The following SBF2 variants were observed in gnomAD, a reference collection of about 807,000 sequenced individuals.
SBF2 encodes the protein SET binding factor 2.
SBF2 carries 112 observed loss-of-function variants against 225.2 expected under a neutral mutation model. The observed-to-expected ratio is 0.50, with a 90% CI of 0.43 to 0.58. The LOEUF (loss-of-function observed/expected upper bound fraction) is 0.58, where lower values mean the gene tolerates loss of function less well. Among genes scored for constraint, SBF2 ranks in the 20% least tolerant of loss-of-function variants. The pLI is 0.00. For missense variants in SBF2, 1,996 were observed against 2,206.2 expected, an observed-to-expected ratio of 0.90 and a Z score of 1.91; for synonymous variants, 763 against 773.3, an observed-to-expected ratio of 0.99 and a Z score of 0.22.
chr11:10,106,903 G>A (rs550014329), intron 2 of SBF2, among the ~76,000 whole-genome samples: 144 of 152,176 alleles, frequency 9.5e-4, no homozygotes, highest in African/African-American at 3.0e-3. Context: ...GATGGAAAAT[G>A]AGCTCATAAA....
intron 17 of SBF2, among the ~76,000 whole-genome samples, chr11:9,891,883 T>C (rs780646091): frequency 2.6e-5 from 4 of 152,166 alleles, no homozygotes; most frequent in Non-Finnish European, 5.9e-5. Flanking sequence ...TAAATAAAAC[T>C]CTAAAAGATA....
chr11:10,281,554 G>A (rs1963408948), intron 1 of SBF2, among the ~76,000 whole-genome samples: 1 of 152,114 alleles, frequency 6.6e-6, no homozygotes, highest in Non-Finnish European at 1.5e-5. Flanking sequence ...AGAACCAAAT[G>A]TCTCTTCCAA....
chr11:10,234,683 C>T (rs544405729), intron 1 of SBF2, among the ~76,000 whole-genome samples: 3 of 152,248 alleles, frequency 2.0e-5, no homozygotes, highest in South Asian at 2.1e-4. Context: ...AAAGATTATT[C>T]GGATTTAAAT....
intron 2 of SBF2, among the ~76,000 whole-genome samples, chr11:10,161,088 G>A (rs1217458273): frequency 6.7e-6 from 1 of 149,706 alleles, no homozygotes; most frequent in Non-Finnish European, 1.5e-5. Flanking sequence ...TCAGGAGTAA[G>A]GCAGGAGAAT....
chr11:9,876,420 T>C (rs1859244782), intron 17 of SBF2, among the ~76,000 whole-genome samples: 2 of 152,140 alleles, frequency 1.3e-5, no homozygotes, highest in Non-Finnish European at 2.9e-5. Flanking sequence ...GTGCCCATAT[T>C]TGTAGTAAGG....
chr11:10,236,469 T>G lies in SBF2; in HGVS notation c.56-42482A>C, dbSNP rs1175013048. 4.6e-5 allele frequency among the ~76,000 whole-genome samples: 7 copies of G among 152,242 alleles called. No individual in the cohort carries two copies. In the East Asian group the frequency reaches 1.2e-3, roughly 25 times the overall value. ...CAGAGCGAGTCCGTCTCTTTTTTTT[T>G]GTTTTTTTGAGACGGAGTCTCACTC... On this transcript the variant is annotated intron_variant, in intron 1 of 39. Coordinates refer to ENST00000256190, the MANE Select transcript of SBF2 (RefSeq NM_030962.4).
intron 6 of SBF2, among the ~76,000 whole-genome samples, chr11:10,004,814 C>T (rs1327709833): frequency 1.3e-5 from 2 of 152,172 alleles, no homozygotes; most frequent in South Asian, 2.1e-4. Context: ...CAGTAAAAGG[C>T]TAATCAGAGA....
intron 32 of SBF2, among the ~76,000 whole-genome samples, chr11:9,807,456 T>C (rs972112789): frequency 1.3e-5 from 2 of 152,240 alleles, no homozygotes; most frequent in Admixed American, 6.5e-5. Flanking sequence ...ATCCATGTCA[T>C]TGCAAAAGAC....
chr11:10,155,168 T>C (rs1345496402), intron 2 of SBF2, among the ~76,000 whole-genome samples: 2 of 152,346 alleles, frequency 1.3e-5, no homozygotes, highest in East Asian at 3.9e-4. Flanking sequence ...AACTACTTTC[T>C]GCATATAGTT....
chr11:9,899,463 C>T lies in SBF2; in HGVS notation c.1861-3452G>A, dbSNP rs570006632. 6.1e-5 allele frequency among the ~76,000 whole-genome samples: 9 copies of T among 146,766 alleles called. No individual in the cohort carries two copies. The South Asian group carries it at 9.0e-4, about 15-fold the overall frequency. ...AGGCTGCAGCAAACTATGATCATGCCGTGACACCCCAGCCTGGGTGACACA... is the reference window on the plus strand; with the variant it reads ...AGGCTGCAGCAAACTATGATCATGCTGTGACACCCCAGCCTGGGTGACACA... On this transcript the variant is annotated intron_variant, in intron 16 of 39. Transcript: ENST00000256190.
At chr11:9,946,425 T>C (rs1031500823) in intron 16 of SBF2, among the ~76,000 whole-genome samples, 1 of 151,092 alleles carries the variant, frequency 6.6e-6, no homozygotes, top group Admixed American at 6.6e-5. Context: ...TGACAGGCTA[T>C]TATATTTCTT....
At chr11:9,869,324 T>C (rs1026155336) in intron 17 of SBF2, among the ~76,000 whole-genome samples, 3 of 152,216 alleles carry the variant, frequency 2.0e-5, no homozygotes, top group African/African-American at 7.2e-5. Context: ...AAAATTTTTT[T>C]TTCTTTTTTT....
chr11:9,968,681 G>A (rs1455105390), intron 13 of SBF2, 136 bp from the exon 14 acceptor site: 2 of 758,356 alleles, frequency 2.6e-6, no homozygotes, highest in African/African-American at 1.7e-5. Flanking sequence ...AAAACATGAA[G>A]TACCAAAATC....
At chr11:10,193,177 G>GGTTTTTTATTTATCTGT (rs1957240004) in intron 2 of SBF2, among the ~76,000 whole-genome samples, 1 of 151,350 alleles carries the variant, frequency 6.6e-6, no homozygotes, top group Non-Finnish European at 1.5e-5. Context: ...ATGAACTTTT[G>GGTTTTTTATTTATCTGT]GTTTTTTATT....
chr11:10,273,081 ATAAAT>A (rs1565423526), intron 1 of SBF2, among the ~76,000 whole-genome samples: 1 of 148,710 alleles, frequency 6.7e-6, no homozygotes, highest in African/African-American at 2.6e-5. Flanking sequence ...GAAAAAAAAA[ATAAAT>A]AAATAAATAA....
chr11:9,963,387 C>T (rs979681950), intron 15 of SBF2, among the ~76,000 whole-genome samples: 4 of 152,094 alleles, frequency 2.6e-5, no homozygotes, highest in Admixed American at 6.5e-5. Flanking sequence ...ATCGCTTGAA[C>T]TTGGGACGTA....
At chr11:10,214,549 G>A (rs1958059506) in intron 1 of SBF2, among the ~76,000 whole-genome samples, 1 of 152,178 alleles carries the variant, frequency 6.6e-6, no homozygotes, top group African/African-American at 2.4e-5. Flanking sequence ...CTTGAACCTA[G>A]GAGGCGGAGG....
intron 1 of SBF2, among the ~76,000 whole-genome samples, chr11:10,254,634 C>T (rs1442677661): frequency 2.0e-5 from 3 of 150,550 alleles, no homozygotes; most frequent in Non-Finnish European, 4.4e-5. Context: ...GGATGGGCAC[C>T]GAGGCTCACG....
At chr11:10,297,642 A>T (rs190410144), upstream of SBF2, among the ~76,000 whole-genome samples, 1 of 152,204 alleles carries the variant, frequency 6.6e-6, no homozygotes, top group Non-Finnish European at 1.5e-5. Flanking sequence ...ATTTTTTAAA[A>T]TCAAAGTTTA....
Sources: gnomAD v4.1 joint callset for allele counts (sites outside exome capture counted in the v4.1 genomes callset) on GRCh38, gnomAD v4.1.1 for gene constraint, MANE v1.5 for transcripts, NCBI Gene and HGNC (gene_info 2026-07-23, HGNC 2026-07-21) for gene names.